Variants in UMAD1 observed in about 807,000 individuals in gnomAD.
UMAD1 encodes the protein UBAP1-MVB12-associated (UMA)-domain containing protein 1.
Under a neutral mutation model 6.1 loss-of-function variants are expected in UMAD1, and 8 were observed. The observed-to-expected ratio is 1.30, with a 90% CI of 0.76 to 2.35. The LOEUF (loss-of-function observed/expected upper bound fraction) is 2.35. UMAD1 is among the 30% of genes most tolerant of loss of function. UMAD1 has a pLI of 0.00. For synonymous variants in UMAD1, 56 were observed against 31.4 expected, an observed-to-expected ratio of 1.78 and a Z score of -2.61; for missense variants, 130 against 78.4, an observed-to-expected ratio of 1.66 and a Z score of -2.49.
At chr7:7,708,044 A>G (rs1447342850) in intron 2 of UMAD1, among the ~76,000 whole-genome samples, 7 of 152,132 alleles carry the variant, frequency 4.6e-5, no homozygotes, top group Non-Finnish European at 8.8e-5. Context: ...TTGCTTCATT[A>G]AGGTCTGTTG....
chr7:7,747,304 A>G (rs1346572757), intron 2 of UMAD1, among the ~76,000 whole-genome samples: 1 of 152,208 alleles, frequency 6.6e-6, no homozygotes, highest in Admixed American at 6.5e-5. Flanking sequence ...TATTCTTGCA[A>G]CTATTAATGG....
intron 3 of UMAD1, among the ~76,000 whole-genome samples, chr7:7,849,185 T>G (rs1783867140): frequency 6.6e-6 from 1 of 152,200 alleles, no homozygotes; most frequent in African/African-American, 2.4e-5. Context: ...CATTCAATCC[T>G]CACATCTTAC....
At chr7:7,818,048 CAT>C (rs1249027108) in intron 3 of UMAD1, among the ~76,000 whole-genome samples, 4 of 152,124 alleles carry the variant, frequency 2.6e-5, no homozygotes, top group African/African-American at 9.7e-5. Flanking sequence ...CATAGGTAAA[CAT>C]GTGTCATGGG....
chr7:7,692,534 C>T (rs1780196721), intron 2 of UMAD1: 2 of 152,206 alleles, frequency 1.3e-5, no homozygotes, highest in Admixed American at 1.3e-4. Flanking sequence ...GAAGCTTTAA[C>T]AAGGTAGATC....
chr7:7,863,254 C>A (rs1191909817), intron 3 of UMAD1, among the ~76,000 whole-genome samples: 3 of 152,258 alleles, frequency 2.0e-5, no homozygotes, highest in African/African-American at 7.2e-5. Context: ...ACCTCTGAGC[C>A]TCAGAAGATT....
At chr7:7,644,600 T>C (rs1193315950) in intron 1 of UMAD1, among the ~76,000 whole-genome samples, 1 of 152,224 alleles carries the variant, frequency 6.6e-6, no homozygotes, top group Admixed American at 6.5e-5. Flanking sequence ...TTGTTTTAAT[T>C]TCAGTTGTCC....
At chr7:7,827,431 C>T (rs78444924) in intron 3 of UMAD1, among the ~76,000 whole-genome samples, 2,428 of 151,890 alleles carry the variant, frequency 0.016, 59 homozygotes, top group African/African-American at 0.055. Flanking sequence ...GGATATTTAT[C>T]GTACTATATC....
At chr7:7,862,694 G>T (rs555147238) in intron 3 of UMAD1, among the ~76,000 whole-genome samples, 1 of 152,258 alleles carries the variant, frequency 6.6e-6, no homozygotes, top group East Asian at 1.9e-4. Context: ...GTAATAAGAT[G>T]CTTAGTTTAA....
intron 3 of UMAD1, among the ~76,000 whole-genome samples, chr7:7,867,863 A>T (rs1011193998): frequency 3.9e-5 from 6 of 152,220 alleles, no homozygotes; most frequent in African/African-American, 1.4e-4. Context: ...TGATGAAGCC[A>T]TGTCCTTGAA....
intron 3 of UMAD1, among the ~76,000 whole-genome samples, chr7:7,850,648 A>G (rs1783890921): frequency 6.6e-6 from 1 of 152,208 alleles, no homozygotes; most frequent in African/African-American, 2.4e-5. Flanking sequence ...TCAAAACAAT[A>G]TAAGTAATTC....
intron 2 of UMAD1, among the ~76,000 whole-genome samples, chr7:7,784,989 C>T (rs772782121): frequency 7.2e-5 from 11 of 152,070 alleles, no homozygotes; most frequent in Admixed American, 6.6e-5. Context: ...AGAAAGGTTC[C>T]CTAATTGTCT....
intron 2 of UMAD1, among the ~76,000 whole-genome samples, chr7:7,782,513 G>A (rs1782366648): frequency 6.6e-6 from 1 of 151,742 alleles, no homozygotes; most frequent in Non-Finnish European, 1.5e-5. Context: ...TTTTTTATCA[G>A]TTTACTTTCA....
intron 2 of UMAD1, among the ~76,000 whole-genome samples, chr7:7,709,102 T>G (rs1238358945): frequency 6.6e-6 from 1 of 152,194 alleles, no homozygotes; most frequent in Non-Finnish European, 1.5e-5. Context: ...AATAATTTCT[T>G]AGATATTTTG....
intron 1 of UMAD1, among the ~76,000 whole-genome samples, chr7:7,649,614 T>C (rs989518091): frequency 6.6e-6 from 1 of 152,212 alleles, no homozygotes; most frequent in Non-Finnish European, 1.5e-5. Flanking sequence ...ATTGATTTTT[T>C]TGTTACTTTT....
At chr7:7,787,949 T>C (rs1277232844) in intron 2 of UMAD1, among the ~76,000 whole-genome samples, 2 of 152,190 alleles carry the variant, frequency 1.3e-5, no homozygotes, top group Non-Finnish European at 2.9e-5. Flanking sequence ...ACCTAACCTA[T>C]AGCTTCATCA....
In UMAD1 at chr7:7,665,058, T is replaced by C. The variant is rs1187467666; in HGVS notation, c.-63-8251T>C. ...ATACACATGTATTTACATTATTCTG[T>C]CTATAGACAGTAGCTGCATCAATCA... On this transcript the variant is annotated intron_variant, in intron 1 of 3. Transcript: ENST00000682710. 3.3e-5 allele frequency among the ~76,000 whole-genome samples: 5 copies of C among 152,328 alleles called. No individual in the cohort carries two copies. In the East Asian group the frequency reaches 9.6e-4, roughly 29 times the overall value.
chr7:7,744,593 G>GTTT (rs377391555), intron 2 of UMAD1, among the ~76,000 whole-genome samples: 9 of 135,868 alleles, frequency 6.6e-5, no homozygotes, highest in South Asian at 2.3e-4. Flanking sequence ...AATTGTTACT[G>GTTT]TTTTTTTTTT....
At chr7:7,692,564 A>G (rs1266970878) in intron 2 of UMAD1, 1 of 152,166 alleles carries the variant, frequency 6.6e-6, no homozygotes, top group Non-Finnish European at 1.5e-5. Flanking sequence ...TGCCTTAGAA[A>G]TTCCACTTTT....
At chr7:7,712,194 T>A (rs1405456398) in intron 2 of UMAD1, among the ~76,000 whole-genome samples, 4 of 152,232 alleles carry the variant, frequency 2.6e-5, no homozygotes, top group Admixed American at 1.3e-4. Flanking sequence ...CATCAGTTGA[T>A]CTTATGCCAA....
Sources: allele counts gnomAD v4.1 joint callset (sites outside exome capture counted in the v4.1 genomes callset), GRCh38; gene constraint gnomAD v4.1.1; transcripts MANE v1.5; gene names NCBI Gene and HGNC (gene_info 2026-07-23, HGNC 2026-07-21).